The following NF1 variants were observed in gnomAD, a reference collection of about 807,000 sequenced individuals.
The protein encoded by NF1 is neurofibromin.
Under a neutral mutation model 325.7 loss-of-function variants are expected in NF1, and 122 were observed. The ratio of observed to expected loss-of-function variants is 0.37; its 90% CI spans 0.32 to 0.44. The LOEUF is 0.44. Among genes scored for constraint, NF1 ranks in the 20% least tolerant of loss-of-function variants. NF1 has a pLI of 1.00. For synonymous variants in NF1, 1,091 were observed against 1,186.0 expected (o/e 0.92, Z 1.65); for missense variants, 2,140 against 3,415.4 (o/e 0.63, Z 9.31).
intron 30 of NF1, 63 bp from the exon 31 acceptor site, chr17:31,252,875 A>T (rs1167602324): frequency 7.6e-7 from 1 of 1,321,566 alleles, no homozygotes; most frequent in Non-Finnish European, 1.1e-6. Context: ...ACAAGCCAAC[A>T]TTGTTTTTGT....
chr17:31,221,461 G>A (rs952306039), intron 14 of NF1, among the ~76,000 whole-genome samples: 1 of 152,066 alleles, frequency 6.6e-6, no homozygotes, highest in Non-Finnish European at 1.5e-5. Flanking sequence ...TAAATCTTTT[G>A]CTGTGTGTAT....
intron 1 of NF1, among the ~76,000 whole-genome samples, chr17:31,097,565 G>A (rs1323598898): frequency 1.3e-5 from 2 of 151,742 alleles, no homozygotes; most frequent in African/African-American, 4.8e-5. Flanking sequence ...TTAAGGCTTC[G>A]TTGTTTGTTA....
chr17:31,297,753 A>G (rs1046846920), intron 36 of NF1, among the ~76,000 whole-genome samples: 2 of 152,112 alleles, frequency 1.3e-5, no homozygotes, highest in African/African-American at 4.8e-5. Flanking sequence ...TTCCCCCAAC[A>G]TGGTGATTAT....
Position 31,376,126 on chromosome 17 carries a change from A to G in NF1, c.*1971A>G, listed in dbSNP as rs1267764450. ...GTGCCAAGGATGCCAAGCTGCCACCATGGTCTTGGCTCTCCCACAACCCAG... is the reference window on the plus strand; with the variant it reads ...GTGCCAAGGATGCCAAGCTGCCACCGTGGTCTTGGCTCTCCCACAACCCAG... On this transcript the variant is annotated 3_prime_UTR_variant, in exon 58 of 58. Transcript: ENST00000358273. The G allele has an allele frequency of 3.4e-5, 8 of 232,860 alleles. No homozygotes were observed. The highest frequency in any genetic ancestry group is 1.2e-3 in the Middle Eastern group (1 of 808). 14.4% of individuals were successfully genotyped at this position (232,860 alleles called of 1,614,324 possible). A position where few individuals can be genotyped will look rare whatever the true frequency, so the allele number is the denominator to read the frequency against.
intron 36 of NF1, among the ~76,000 whole-genome samples, chr17:31,280,639 C>T (rs2068100558): frequency 6.6e-6 from 1 of 151,634 alleles, no homozygotes; most frequent in African/African-American, 2.4e-5. Context: ...GACCTCTGGT[C>T]TAGGCTATTA....
At chr17:31,129,454 AT>A (rs59199139) in intron 1 of NF1, among the ~76,000 whole-genome samples, 67,415 of 126,342 alleles carry the variant, frequency 0.53, 18,992 homozygotes, top group Middle Eastern at 0.77. Flanking sequence ...GCATTATGAA[AT>A]TTTTTTTTTT....
chr17:31,326,537 A>G (rs1290501483), intron 37 of NF1, among the ~76,000 whole-genome samples: 2 of 152,086 alleles, frequency 1.3e-5, no homozygotes, highest in Non-Finnish European at 2.9e-5. Context: ...AATCTCAGCT[A>G]CTTGGAGGCT....
chr17:31,363,516 A>T (rs1441854715), intron 57 of NF1, among the ~76,000 whole-genome samples: 2 of 147,804 alleles, frequency 1.4e-5, no homozygotes, highest in Non-Finnish European at 3.0e-5. Context: ...GACTCACTGC[A>T]ACCTCTGCCT....
At chr17:31,196,587 A>G (rs1299473822) in intron 8 of NF1, among the ~76,000 whole-genome samples, 77 of 151,870 alleles carry the variant, frequency 5.1e-4, no homozygotes, top group Non-Finnish European at 4.4e-5. Context: ...CTTTTTTGGT[A>G]TCATATACAA....
intron 39 of NF1, 55 bp downstream of exon 39, chr17:31,330,553 A>T (rs761199790): frequency 5.2e-6 from 7 of 1,336,222 alleles, no homozygotes; most frequent in Non-Finnish European, 7.4e-6. Context: ...GAATTCAAAG[A>T]AAACCCTTTC....
chr17:31,323,499 G>A (rs976748675), intron 36 of NF1, among the ~76,000 whole-genome samples: 3 of 152,134 alleles, frequency 2.0e-5, no homozygotes, highest in African/African-American at 7.2e-5. Context: ...AAGCACCACA[G>A]TTGATTCTGA....
At position 31,370,690 on chromosome 17, in the gene NF1, A is replaced by T. The variant is rs997601041; in HGVS notation, c.8378-3323A>T. Among the ~76,000 whole-genome samples, 7 of 152,262 alleles carry T rather than the reference A, an allele frequency of 4.6e-5. No individual in the cohort carries two copies. The South Asian group carries it at 1.5e-3, about 32-fold the overall frequency. ...AAACAGAAGCATTGCCACCCATGTC[A>T]TGACTGTTTTCCCCTCAGAGTAGGC... On this transcript the variant is annotated intron_variant, in intron 57 of 57. Transcript: ENST00000358273.
chr17:31,291,221 G>T (rs1326801601), intron 36 of NF1, among the ~76,000 whole-genome samples: 2 of 152,086 alleles, frequency 1.3e-5, no homozygotes, highest in Non-Finnish European at 2.9e-5. Context: ...CTTAGTGTTT[G>T]ATATGTTCCA....
chr17:31,213,738 T>G (rs1038832876), intron 12 of NF1, among the ~76,000 whole-genome samples: 4 of 152,210 alleles, frequency 2.6e-5, no homozygotes, highest in Admixed American at 2.6e-4. Flanking sequence ...TTCTGTAAGT[T>G]TACCTTTCTG....
At chr17:31,193,887 G>A (rs952810939) in intron 8 of NF1, among the ~76,000 whole-genome samples, 4 of 152,120 alleles carry the variant, frequency 2.6e-5, no homozygotes, top group African/African-American at 9.7e-5. Flanking sequence ...ACAAAAAATA[G>A]CAAATGCTGG....
chr17:31,151,160 A>G (rs916036479), intron 1 of NF1, among the ~76,000 whole-genome samples: 5 of 152,224 alleles, frequency 3.3e-5, no homozygotes, highest in Middle Eastern at 3.4e-3. Flanking sequence ...TACCTTTTCT[A>G]TGTTTAGATA....
intron 1 of NF1, among the ~76,000 whole-genome samples, chr17:31,125,474 T>TG (rs1914799904): frequency 6.6e-6 from 1 of 152,098 alleles, no homozygotes; most frequent in Non-Finnish European, 1.5e-5. Flanking sequence ...TTTCATTTTA[T>TG]GGGGTATGGG....
intron 17 of NF1, among the ~76,000 whole-genome samples, chr17:31,225,715 T>C (rs143627339): frequency 4.4e-4 from 67 of 152,330 alleles, no homozygotes; most frequent in African/African-American, 1.6e-3. Flanking sequence ...CTTTTAAATA[T>C]AAATCATATT....
At chr17:31,118,725 A>G (rs150001522) in intron 1 of NF1, among the ~76,000 whole-genome samples, 9 of 152,244 alleles carry the variant, frequency 5.9e-5, no homozygotes, top group Admixed American at 5.2e-4. Flanking sequence ...AGTCTTTGCT[A>G]TTGTGAACAG....
Sources: gnomAD v4.1 joint callset for allele counts (sites outside exome capture counted in the v4.1 genomes callset) on GRCh38, gnomAD v4.1.1 for gene constraint, MANE v1.5 for transcripts, NCBI Gene and HGNC (gene_info 2026-07-23, HGNC 2026-07-21) for gene names.